The following LAMA5 variants were observed in gnomAD, a reference collection of about 807,000 sequenced individuals.
LAMA5 encodes laminin subunit alpha-5.
In LAMA5, 260 loss-of-function variants were observed where a neutral mutation model predicts 433.4. The observed-to-expected ratio is 0.60, with a 90% CI of 0.54 to 0.66. The LOEUF is 0.66. LAMA5 is among the 30% of genes least tolerant of loss of function. LAMA5 has a pLI of 0.00. For synonymous variants in LAMA5, 2,620 were observed against 2,226.6 expected (o/e 1.18, Z -4.97); for missense variants, 5,378 against 5,258.5 (o/e 1.02, Z -0.70).
intron 5 of LAMA5, 41 bp downstream of exon 5, chr20:62,351,868 C>T (rs762476105): frequency 1.6e-5 from 26 of 1,576,352 alleles, no homozygotes; most frequent in Admixed American, 1.9e-5. Flanking sequence ...CGGGTCCACC[C>T]GGCCAGTCCC....
rs1372983098 is a variant in LAMA5, at chr20:62,318,329, C to CGAGGGAGGGGAGGACG, written c.7239+109_7239+124dup. On this transcript the variant is annotated intron_variant, in intron 53 of 79. Transcript: ENST00000252999. ...GAAGAAGAGGAGGAGGGGGGGAGGA[C>CGAGGGAGGGGAGGACG]GAGGGAGGGGAGGACGGAGGGAGGG... The CGAGGGAGGGGAGGACG allele has an allele frequency of 1.4e-3, 395 of 286,480 alleles. 24 individuals are homozygous for CGAGGGAGGGGAGGACG. In the South Asian group the frequency reaches 0.016, roughly 11 times the overall value. The allele number at this position is 286,480 out of a possible 1,614,324, so 17.7% of individuals were successfully genotyped here.
chr20:62,334,411 T>A, intron 21 of LAMA5, 69 bp from the exon 22 acceptor site: 1 of 1,517,342 alleles, frequency 6.6e-7, no homozygotes, highest in Non-Finnish European at 8.9e-7. Flanking sequence ...CGGCCCCGGG[T>A]CTCCAGGGAG....
intron 11 of LAMA5, among the ~76,000 whole-genome samples, chr20:62,340,105 C>T (rs566861300): frequency 4.3e-4 from 65 of 152,068 alleles, no homozygotes; most frequent in Non-Finnish European, 8.2e-4. Flanking sequence ...GCAGCAGAAA[C>T]GAATCTCTAG....
At position 62,334,153 on chromosome 20, in the gene LAMA5, G is replaced by A. The variant is rs534665051; in HGVS notation, c.2739+33C>T. 1.6e-5 allele frequency: 25 copies of A among 1,603,828 alleles called. 1 individual carries two copies. In the East Asian group the frequency reaches 2.7e-4, roughly 17 times the overall value. Reference sequence around the variant, plus strand: ...CCAGCCACGCCTGGCTCCACTTCTAGGCTGAGCCTGGGAGGGGGAGCACAG... The same window carrying A: ...CCAGCCACGCCTGGCTCCACTTCTAAGCTGAGCCTGGGAGGGGGAGCACAG... On this transcript the variant is annotated intron_variant, in intron 22 of 79. Transcript: ENST00000252999.
chr20:62,321,361 T>C (rs939331264), intron 48 of LAMA5, among the ~76,000 whole-genome samples: 1 of 10,918 alleles, frequency 9.2e-5, no homozygotes, highest in Non-Finnish European at 1.5e-4. Flanking sequence ...GTGGGGCCAG[T>C]GGGGGTGGGG....
At chr20:62,350,176 T>G in intron 6 of LAMA5, among the ~76,000 whole-genome samples, 1 of 151,906 alleles carries the variant, frequency 6.6e-6, no homozygotes, top group South Asian at 2.1e-4. Context: ...AAGCCCCGGC[T>G]CCCGCGCCCT....
intron 35 of LAMA5, 28 bp from the exon 36 acceptor site, chr20:62,328,038 C>T: frequency 6.2e-7 from 1 of 1,609,788 alleles, no homozygotes; most frequent in Middle Eastern, 2.1e-4. Flanking sequence ...GCTGAGCCCC[C>T]TCCACCCCAG....
In LAMA5 at chr20:62,327,418, C is replaced by T; in HGVS notation, c.4939-12G>A. The T allele has an allele frequency of 6.3e-7, 1 of 1,588,414 alleles. No individual in the cohort carries two copies. The highest frequency in any genetic ancestry group is 8.6e-7 in the Non-Finnish European group (1 of 1,165,204). ...TCCATATCCACGAACTGTGGGCACACACGTGTGGCTGCACACGGGTGGATG... is the reference window on the plus strand; with the variant it reads ...TCCATATCCACGAACTGTGGGCACATACGTGTGGCTGCACACGGGTGGATG... On this transcript the variant is annotated splice_polypyrimidine_tract_variant and intron_variant, in intron 37 of 79. Transcript: ENST00000252999.
chr20:62,331,773 C>T (rs1305550056), intron 28 of LAMA5, among the ~76,000 whole-genome samples: 1 of 152,202 alleles, frequency 6.6e-6, no homozygotes, highest in African/African-American at 2.4e-5. Flanking sequence ...AGTGCCAGGC[C>T]AGGTATGGTG....
intron 41 of LAMA5, 50 bp downstream of exon 41, chr20:62,325,266 G>A: frequency 1.7e-6 from 2 of 1,199,248 alleles, no homozygotes. Flanking sequence ...CTGGAGGGAA[G>A]GGTGTGCACA....
chr20:62,347,023 T>C lies in LAMA5; in HGVS notation c.962A>G (p.Gln321Arg), dbSNP rs749062598. ...GCAGGTGTTGTGCTGGCAGGTGCAC[T>C]GCAGCCTGTGGGGTACACAGGAGGG... ...AKDPTDPFRL[Q>R]CTCQHNTCGG... Residue 321 changes from glutamine (Q) to arginine (R), a missense_variant, in exon 7 of 80, where the codon CAG becomes CGG. By Grantham distance (43) the Gln-to-Arg change is conservative. Coordinates refer to ENST00000252999, the MANE Select transcript of LAMA5 (RefSeq NM_005560.6). 6.2e-7 allele frequency: 1 copy of C among 1,610,436 alleles called. No homozygotes were observed. Among genetic ancestry groups the C allele is most frequent in the Admixed American group, 1.7e-5 (1 of 59,966 alleles).
At chr20:62,355,387 G>A (rs1353969887) in intron 2 of LAMA5, 1 of 152,310 alleles carries the variant, frequency 6.6e-6, no homozygotes, top group Non-Finnish European at 1.5e-5. Flanking sequence ...CCACTGGACT[G>A]AGCCGGACTG....
rs1986587754 is a variant in LAMA5 at position 62,313,745 on chromosome 20, G to C, written c.8562C>G (p.Thr2854=). The C allele has an allele frequency of 1.2e-6, 2 of 1,612,822 alleles. No individual in the cohort carries two copies. Among genetic ancestry groups the C allele is most frequent in the African/African-American group, 1.3e-5 (1 of 74,926 alleles). ...VTVERQMIQE[T]KGDTVAPGAE... is the part of the protein sequence containing the mutation. ...CCCCAGGGGCCACCGTGTCACCCTTGGTTTCCTGGATCATCTGTCTCTCCA... is the reference window on the plus strand; with the variant it reads ...CCCCAGGGGCCACCGTGTCACCCTTCGTTTCCTGGATCATCTGTCTCTCCA... Residue 2854 remains threonine (T), a synonymous_variant, in exon 63 of 80, where the codon ACC becomes ACG. Coordinates refer to ENST00000252999, the MANE Select transcript of LAMA5 (RefSeq NM_005560.6).
chr20:62,324,567 G>A lies in LAMA5; in HGVS notation c.5530-13C>T, dbSNP rs79936506. 1,111 of 1,582,470 alleles carry A rather than the reference G, an allele frequency of 7.0e-4. 13 individuals carry two copies. The African/African-American group carries it at 0.013, about 18-fold the overall frequency. ...CGGGGGCACATTCCTGAGGGTGTACGGGGGCAGGTGGCATCAGCGATTGAG... is the reference window on the plus strand; with the variant it reads ...CGGGGGCACATTCCTGAGGGTGTACAGGGGCAGGTGGCATCAGCGATTGAG... On this transcript the variant is annotated splice_polypyrimidine_tract_variant and intron_variant, in intron 41 of 79. Transcript: ENST00000252999. This position sits in a 1 kb window ranked among gnomAD's most constrained non-coding sequence, Gnocchi z 4.4.
At position 62,352,095 on chromosome 20, in the gene LAMA5, G is replaced by T; in HGVS notation, c.688-16C>A. On this transcript the variant is annotated splice_polypyrimidine_tract_variant and intron_variant, in intron 4 of 79. Transcript: ENST00000252999. Reference sequence around the variant, plus strand: ...ACACCACGATCTGTGGGCAGTATGCGGTGACGCCAGTGTGGCCCTAGCCCC... The same window carrying T: ...ACACCACGATCTGTGGGCAGTATGCTGTGACGCCAGTGTGGCCCTAGCCCC... The T allele has an allele frequency of 6.2e-7, 1 of 1,609,262 alleles. No homozygotes were observed.
rs753354465 is a variant in LAMA5, at chr20:62,312,310, G to C, written c.9367C>G (p.Arg3123Gly). 67 of 1,609,018 alleles carry C rather than the reference G, an allele frequency of 4.2e-5. No individual in the cohort carries two copies. Among genetic ancestry groups the C allele is most frequent in the Non-Finnish European group, 5.7e-5 (67 of 1,179,276 alleles). ...CCGTGGCCATGGAAAGTCATGGCGC[G>C]CCCCACCTGCGGGGAGGCCATCCCT... ...AGCTADLLVG[R>G]AMTFHGHGFL... The change falls in exon 69 of 80, where the codon CGC becomes GGC. Residue 3123 changes from arginine to glycine, a missense_variant. Arg to Gly is a moderately radical substitution (Grantham distance 125, BLOSUM62 -2). Coordinates refer to ENST00000252999, the MANE Select transcript of LAMA5 (RefSeq NM_005560.6).
chr20:62,309,430 A>G lies in LAMA5; in HGVS notation c.10994T>C (p.Met3665Thr), dbSNP rs199962785. 19 of 1,584,202 alleles carry G rather than the reference A, an allele frequency of 1.2e-5. No homozygotes were observed. Among genetic ancestry groups the G allele is most frequent in the Middle Eastern group, 2.2e-4 (1 of 4,476 alleles). ...GGACCGGTTCACCGCCAGCCTCCTC[A>G]TGCAGCCGCAGTAGGCGGGGGGCCA... ...QPWPPAYCGC[M>T]RRLAVNRSPV... Residue 3665 changes from methionine (M) to threonine (T), a missense_variant, in exon 80 of 80, where the codon ATG (methionine) becomes ACG (threonine). Transcript: ENST00000252999.
chr20:62,318,672 G>A lies in LAMA5; in HGVS notation c.7043-22C>T, dbSNP rs1311046023. 5 of 1,605,550 alleles carry A rather than the reference G, an allele frequency of 3.1e-6. No individual in the cohort carries two copies. The East Asian group carries it at 1.1e-4, about 36-fold the overall frequency. On this transcript the variant is annotated intron_variant, in intron 52 of 79. Coordinates refer to ENST00000252999, the MANE Select transcript of LAMA5 (RefSeq NM_005560.6). ...AGCACTAGCCGAGACCAGGGTGAGGGTGGTCACTCTGGAAGCCAGGCCCCT... is the reference window on the plus strand; with the variant it reads ...AGCACTAGCCGAGACCAGGGTGAGGATGGTCACTCTGGAAGCCAGGCCCCT...
chr20:62,323,829 G>C lies in LAMA5; in HGVS notation c.5796C>G (p.Gly1932=). ...NNFAEGCVLR[G]GRTQCLCKPG... ...GTTTGCAGAGGCACTGGGTGCGGCC[G>C]CCTCGCAGGACACAGCCCTCGGCGA... The change falls in exon 44 of 80, where the codon GGC becomes GGG. Residue 1932 remains glycine, a synonymous_variant. Coordinates refer to ENST00000252999, the MANE Select transcript of LAMA5 (RefSeq NM_005560.6). 1 of 1,609,780 alleles carries C rather than the reference G, an allele frequency of 6.2e-7. No homozygotes were observed. Among genetic ancestry groups the C allele is most frequent in the Non-Finnish European group, 8.5e-7 (1 of 1,178,632 alleles).
Sources: gnomAD v4.1 joint callset for allele counts (sites outside exome capture counted in the v4.1 genomes callset) on GRCh38, gnomAD v4.1.1 for gene constraint, Gnocchi (gnomAD v3.1) non-coding constraint, MANE v1.5 for transcripts, NCBI Gene and HGNC (gene_info 2026-07-23, HGNC 2026-07-21) for gene names.